The following CFAP299 variants were observed in gnomAD, a reference collection of about 807,000 sequenced individuals.
The protein encoded by CFAP299 is cilia- and flagella-associated protein 299.
A neutral mutation model predicts 27.0 loss-of-function variants in CFAP299; 21 were observed. That is an observed-to-expected ratio of 0.78 (90% CI 0.55 to 1.12). The LOEUF (loss-of-function observed/expected upper bound fraction) is 1.12. CFAP299 is among the 50% of genes most tolerant of loss of function. The pLI, the probability that CFAP299 is intolerant of heterozygous loss-of-function variation, is 0.00. For synonymous variants in CFAP299, 104 were observed against 98.1 expected (o/e 1.06, Z -0.36); for missense variants, 310 against 276.6 (o/e 1.12, Z -0.86).
chr4:80,906,760 C>T (rs1018095392), intron 4 of CFAP299, among the ~76,000 whole-genome samples: 3 of 152,102 alleles, frequency 2.0e-5, no homozygotes, highest in Non-Finnish European at 2.9e-5. Flanking sequence ...AGCTGGGACA[C>T]AGAGCACCAT....
intron 3 of CFAP299, among the ~76,000 whole-genome samples, chr4:80,798,241 C>T (rs748852299): frequency 2.0e-5 from 3 of 152,068 alleles, no homozygotes; most frequent in Admixed American, 6.6e-5. Context: ...TCAACATTAT[C>T]TTGCCTGGCA....
At chr4:80,535,494 CAAAA>C (rs143122836) in intron 2 of CFAP299, among the ~76,000 whole-genome samples, 3 of 33,278 alleles carry the variant, frequency 9.0e-5, no homozygotes, top group East Asian at 1.1e-3. Flanking sequence ...GACTCCGTCT[CAAAA>C]AAAAAAAAAA....
intron 3 of CFAP299, among the ~76,000 whole-genome samples, chr4:80,649,423 G>A (rs932340030): frequency 6.6e-6 from 1 of 152,118 alleles, no homozygotes; most frequent in Non-Finnish European, 1.5e-5. Context: ...TATTTAGAGG[G>A]CTTTGTTTGA....
At chr4:80,706,630 A>T (rs72661723) in intron 3 of CFAP299, among the ~76,000 whole-genome samples, 2 of 151,842 alleles carry the variant, frequency 1.3e-5, no homozygotes, top group African/African-American at 4.8e-5. Context: ...AAAAAGTTAT[A>T]TGTGTGTGTG....
intron 3 of CFAP299, among the ~76,000 whole-genome samples, chr4:80,808,584 A>C (rs1424687219): frequency 1.3e-5 from 2 of 152,090 alleles, no homozygotes; most frequent in Non-Finnish European, 2.9e-5. Flanking sequence ...TATATGTTAC[A>C]TGGTGAGTCA....
chr4:80,759,566 A>G (rs922686622), intron 3 of CFAP299, among the ~76,000 whole-genome samples: 7 of 152,146 alleles, frequency 4.6e-5, no homozygotes, highest in Non-Finnish European at 8.8e-5. Context: ...ATTCTCACCT[A>G]TGTTAAGAAA....
chr4:80,813,006 A>T (rs1729232729), intron 3 of CFAP299, among the ~76,000 whole-genome samples: 2 of 152,092 alleles, frequency 1.3e-5, no homozygotes, highest in African/African-American at 4.8e-5. Flanking sequence ...ACCTTCAAAA[A>T]ATGTTAAGTC....
intron 2 of CFAP299, among the ~76,000 whole-genome samples, chr4:80,492,125 C>T (rs1364245119): frequency 6.6e-6 from 1 of 152,138 alleles, no homozygotes; most frequent in African/African-American, 2.4e-5. Context: ...TCACCTATAG[C>T]CTGGAAGCCT....
At chr4:80,440,282 C>A (rs1728295284) in intron 2 of CFAP299, among the ~76,000 whole-genome samples, 1 of 151,914 alleles carries the variant, frequency 6.6e-6, no homozygotes, top group Non-Finnish European at 1.5e-5. Context: ...CAGGGCTCGA[C>A]AGACACCTCA....
chr4:80,353,122 T>C (rs569769890), intron 1 of CFAP299, among the ~76,000 whole-genome samples: 1 of 152,240 alleles, frequency 6.6e-6, no homozygotes, highest in African/African-American at 2.4e-5. Context: ...CAAAAGTTAC[T>C]TTTATAAAAT....
At chr4:80,586,525 G>A (rs1317488858) in intron 3 of CFAP299, among the ~76,000 whole-genome samples, 1 of 152,030 alleles carries the variant, frequency 6.6e-6, no homozygotes. Flanking sequence ...TTTTTTTAGT[G>A]TTGTAGGAAC....
intron 3 of CFAP299, among the ~76,000 whole-genome samples, chr4:80,852,633 C>A (rs911794975): frequency 6.6e-6 from 1 of 152,078 alleles, no homozygotes; most frequent in Non-Finnish European, 1.5e-5. Flanking sequence ...AAGAAAGAAC[C>A]AACTTCCTTT....
At chr4:80,463,558 C>T (rs942162564) in intron 2 of CFAP299, among the ~76,000 whole-genome samples, 31 of 152,120 alleles carry the variant, frequency 2.0e-4, no homozygotes, top group Admixed American at 8.5e-4. Flanking sequence ...GGTGCATAGA[C>T]GTCCAAGTTC....
At position 80,703,875 on chromosome 4, in the gene CFAP299, A is replaced by G. The variant is rs373336516; in HGVS notation, c.333+120692A>G. ...CTACTTCTTATTCAGATTAAGAATA[A>G]TTAAGAAACCAGCGTCTGGGGAAGG... On this transcript the variant is annotated intron_variant, in intron 3 of 5. Transcript: ENST00000358105. Among the ~76,000 whole-genome samples the G allele has an allele frequency of 1.1e-4, 17 of 151,914 alleles. No individual in the cohort carries two copies. In the South Asian group the frequency reaches 3.3e-3, roughly 30 times the overall value.
intron 3 of CFAP299, among the ~76,000 whole-genome samples, chr4:80,859,285 A>G (rs1176801570): frequency 6.6e-6 from 1 of 151,732 alleles, no homozygotes; most frequent in Non-Finnish European, 1.5e-5. Context: ...CCATCCTTTT[A>G]TTTTGAGCCT....
intron 3 of CFAP299, among the ~76,000 whole-genome samples, chr4:80,829,641 A>T (rs942443792): frequency 8.5e-5 from 13 of 152,112 alleles, no homozygotes; most frequent in African/African-American, 2.4e-4. Flanking sequence ...TCATAGCAGC[A>T]TTAATCGTAA....
At chr4:80,835,186 G>A (rs1261427694) in intron 3 of CFAP299, among the ~76,000 whole-genome samples, 1 of 151,842 alleles carries the variant, frequency 6.6e-6, no homozygotes, top group East Asian at 1.9e-4. Flanking sequence ...GCTCGATCTC[G>A]GCTCCCAGGT....
chr4:80,843,875 A>G (rs1731009599), intron 3 of CFAP299, among the ~76,000 whole-genome samples: 1 of 151,848 alleles, frequency 6.6e-6, no homozygotes, highest in African/African-American at 2.4e-5. Context: ...CTCGTCATTT[A>G]GCATTAGGTA....
chr4:80,336,982 G>A (rs1384975226), intron 1 of CFAP299, among the ~76,000 whole-genome samples: 1 of 152,178 alleles, frequency 6.6e-6, no homozygotes, highest in African/African-American at 2.4e-5. Context: ...ATGGATTACA[G>A]GTTTCAAAAG....
Sources: gnomAD v4.1 joint callset for allele counts (sites outside exome capture counted in the v4.1 genomes callset) on GRCh38, gnomAD v4.1.1 for gene constraint, MANE v1.5 for transcripts, NCBI Gene and HGNC (gene_info 2026-07-23, HGNC 2026-07-21) for gene names.